The following FGFR1 variants were observed in gnomAD, a reference collection of about 807,000 sequenced individuals.
FGFR1 encodes FGFR1/PLAG1 fusion.
In FGFR1, 18 loss-of-function variants were observed where a neutral mutation model predicts 93.7. That is an observed-to-expected ratio of 0.19 (90% CI 0.13 to 0.28). The LOEUF (loss-of-function observed/expected upper bound fraction) is 0.28. Ranked by LOEUF, FGFR1 falls within the 10% of genes least tolerant of loss-of-function variation. FGFR1 has a pLI of 1.00. For synonymous variants in FGFR1, 448 were observed against 429.3 expected (o/e 1.04, Z -0.54); for missense variants, 731 against 1,080.4 (o/e 0.68, Z 4.53).
chr8:38,458,585 G>A (rs1833544802), intron 1 of FGFR1, among the ~76,000 whole-genome samples: 1 of 152,018 alleles, frequency 6.6e-6, no homozygotes, highest in Admixed American at 6.6e-5. Flanking sequence ...TCCATCTAGG[G>A]CCAACCAGTC....
At chr8:38,441,737 C>T (rs543003664) in intron 2 of FGFR1, among the ~76,000 whole-genome samples, 67 of 152,294 alleles carry the variant, frequency 4.4e-4, no homozygotes, top group Non-Finnish European at 9.3e-4. Flanking sequence ...GCACCAGAAT[C>T]CAGCCTTGGC....
chr8:38,457,960 G>A (rs1291007384), intron 1 of FGFR1, among the ~76,000 whole-genome samples: 3 of 152,180 alleles, frequency 2.0e-5, no homozygotes, highest in Non-Finnish European at 4.4e-5. Context: ...TCCAACCTGG[G>A]TGACAGAGCG....
At chr8:38,467,852 G>A (rs1210190063) in intron 1 of FGFR1, 129 bp downstream of exon 1, 2 of 230,514 alleles carry the variant, frequency 8.7e-6, no homozygotes, top group Non-Finnish European at 1.7e-5. Flanking sequence ...AGGGGCGGGC[G>A]GCGAGCGGAG....
intron 12 of FGFR1, 126 bp from the exon 13 acceptor site, chr8:38,416,186 G>A (rs1816519860): frequency 1.3e-6 from 1 of 786,178 alleles, no homozygotes; most frequent in East Asian, 2.7e-5. Flanking sequence ...CCTCTTAGGG[G>A]ACCTGGGAAA....
At chr8:38,446,037 A>G (rs1669803930) in intron 2 of FGFR1, among the ~76,000 whole-genome samples, 1 of 152,096 alleles carries the variant, frequency 6.6e-6, no homozygotes, top group Non-Finnish European at 1.5e-5. Flanking sequence ...TGGAGTGCTG[A>G]TAAGCATTCT....
chr8:38,452,476 C>T (rs991852165), intron 2 of FGFR1, among the ~76,000 whole-genome samples: 2 of 152,096 alleles, frequency 1.3e-5, no homozygotes, highest in African/African-American at 4.8e-5. Flanking sequence ...GCAATTCTCC[C>T]ATCTCAGCCT....
At chr8:38,461,169 G>GA (rs1834315316) in intron 1 of FGFR1, 3 of 1,532,364 alleles carry the variant, frequency 2.0e-6, no homozygotes, top group Non-Finnish European at 2.6e-6. Flanking sequence ...CTTCTCACTG[G>GA]AGTACTGATC....
intron 2 of FGFR1, among the ~76,000 whole-genome samples, chr8:38,453,807 G>A (rs900848185): frequency 1.3e-5 from 2 of 152,084 alleles, no homozygotes; most frequent in African/African-American, 2.4e-5. Context: ...CAGGAGAATC[G>A]CTTGAACCTG....
intron 2 of FGFR1, among the ~76,000 whole-genome samples, chr8:38,450,555 C>T (rs1207941914): frequency 2.0e-5 from 3 of 152,170 alleles, no homozygotes; most frequent in Admixed American, 1.3e-4. Context: ...CTGCTTCTGC[C>T]TGGCCAGGAG....
Position 38,457,439 on chromosome 8 carries a change from C to T in FGFR1, c.8G>A (p.Ser3Asn), listed in dbSNP as rs751651299. 5.0e-6 allele frequency: 8 copies of T among 1,614,004 alleles called. No individual in the cohort carries two copies. The Admixed American group carries it at 1.0e-4, about 20-fold the overall frequency. MWSWKCLLFWAVL... is the reference protein window; with the variant it reads MWNWKCLLFWAVL... ...AGCCCAGAAGAGGAGGCACTTCCAG[C>T]TCCACATCCCAGTTCTGCAGTTAGA... The change falls in exon 2 of 18, where the codon AGC becomes AAC. Residue 3 changes from serine to asparagine, a missense_variant. By Grantham distance (46) the Ser-to-Asn change is conservative. This residue lies in a region of FGFR1 where 212 missense variants were observed against 205.8 expected (regional missense o/e 1.03). Coordinates refer to ENST00000447712, the MANE Select transcript of FGFR1 (RefSeq NM_023110.3).
intron 1 of FGFR1, among the ~76,000 whole-genome samples, chr8:38,462,902 CTT>C (rs11364295): frequency 0.012 from 1,404 of 114,794 alleles, 24 homozygotes; most frequent in African/African-American, 0.038. Context: ...CTGTGCCTGG[CTT>C]TTTTTTTTTT....
chr8:38,445,316 G>A (rs983345393), intron 2 of FGFR1, among the ~76,000 whole-genome samples: 7 of 152,080 alleles, frequency 4.6e-5, no homozygotes, highest in African/African-American at 1.7e-4. Flanking sequence ...CCTGGCCTGG[G>A]GTGCTTCTCC....
chr8:38,423,117 GC>G, intron 7 of FGFR1: 2 of 779,512 alleles, frequency 2.6e-6, no homozygotes, highest in Non-Finnish European at 4.8e-6. Flanking sequence ...CCCGCTCTGG[GC>G]CTCTGTCACA....
At position 38,446,471 on chromosome 8, in the gene FGFR1, A is replaced by G. The variant is rs112234728; in HGVS notation, c.91+10885T>C. On this transcript the variant is annotated intron_variant, in intron 2 of 17. Coordinates refer to ENST00000447712, the MANE Select transcript of FGFR1 (RefSeq NM_023110.3). Reference sequence around the variant, plus strand: ...GGCAATCAGCCCACCTTGGCCCCCAAAAGTGCTAGGATTACAGGTGTGACC... The same window carrying G: ...GGCAATCAGCCCACCTTGGCCCCCAGAAGTGCTAGGATTACAGGTGTGACC... 5.9e-3 allele frequency among the ~76,000 whole-genome samples: 893 copies of G among 151,530 alleles called. 14 individuals carry two copies. The highest frequency in any genetic ancestry group is 0.021 in the African/African-American group (847 of 41,196).
intron 2 of FGFR1, among the ~76,000 whole-genome samples, chr8:38,445,485 A>C (rs1828993186): frequency 6.6e-6 from 1 of 152,172 alleles, no homozygotes; most frequent in Non-Finnish European, 1.5e-5. Context: ...TAAAATTATA[A>C]AATAAACATC....
intron 2 of FGFR1, chr8:38,434,948 A>T (rs17175814): frequency 0.19 from 28,474 of 152,344 alleles, 3,148 homozygotes; most frequent in East Asian, 0.34. Context: ...GATCACTGCA[A>T]CCTTTGCCTC....
At position 38,446,170 on chromosome 8, in the gene FGFR1, T is replaced by A. The variant is rs187974226; in HGVS notation, c.91+11186A>T. Among the ~76,000 whole-genome samples, 10 of 150,640 alleles carry A rather than the reference T, an allele frequency of 6.6e-5. No homozygotes were observed. The East Asian group carries it at 2.0e-3, about 30-fold the overall frequency. The stretch of plus-strand genomic sequence containing the variant: ...CTGTTCACATCCTTCTCCTCCCCCA[T>A]GCCTCCAAGGCAAACTGACTCAGCC... On this transcript the variant is annotated intron_variant, in intron 2 of 17. Coordinates refer to ENST00000447712, the MANE Select transcript of FGFR1 (RefSeq NM_023110.3).
chr8:38,449,719 G>A (rs1468196989), intron 2 of FGFR1, among the ~76,000 whole-genome samples: 1 of 152,216 alleles, frequency 6.6e-6, no homozygotes, highest in East Asian at 1.9e-4. Context: ...ATGTGAACGA[G>A]GAGAGGGCGT....
intron 2 of FGFR1, among the ~76,000 whole-genome samples, chr8:38,456,139 G>A (rs1832755104): frequency 6.6e-6 from 1 of 152,150 alleles, no homozygotes; most frequent in South Asian, 2.1e-4. Flanking sequence ...CTGACCAGCT[G>A]AGTGGCAGCC....
Sources: allele counts gnomAD v4.1 joint callset (sites outside exome capture counted in the v4.1 genomes callset), GRCh38; gene constraint gnomAD v4.1.1; regional missense constraint gnomAD v4.1.1; transcripts MANE v1.5; gene names NCBI Gene and HGNC (gene_info 2026-07-23, HGNC 2026-07-21).